CNTN3: variants seen among roughly 807,000 people sequenced by gnomAD.
CNTN3 encodes the protein contactin 3.
CNTN3 carries 60 observed loss-of-function variants against 119.1 expected under a neutral mutation model. That is an observed-to-expected ratio of 0.50 (90% CI 0.41 to 0.62). The LOEUF is 0.62. Ranked by LOEUF, CNTN3 falls within the 20% of genes least tolerant of loss-of-function variation. The pLI is 0.00. For synonymous variants in CNTN3, 450 were observed against 438.7 expected (o/e 1.03, Z -0.32); for missense variants, 1,101 against 1,242.4 (o/e 0.89, Z 1.71).
chr3:74,481,445 A>G (rs570099714), intron 4 of CNTN3, among the ~76,000 whole-genome samples: 2 of 152,040 alleles, frequency 1.3e-5, no homozygotes, highest in East Asian at 3.9e-4. Flanking sequence ...TCAGTATCAA[A>G]AGATGACTAG....
chr3:74,451,246 G>C (rs973292965), intron 4 of CNTN3, among the ~76,000 whole-genome samples: 2 of 152,108 alleles, frequency 1.3e-5, no homozygotes, highest in Non-Finnish European at 2.9e-5. Context: ...GTTTTGATTT[G>C]CATTTCTCTG....
intron 1 of CNTN3, among the ~76,000 whole-genome samples, chr3:74,598,206 C>A (rs1333905832): frequency 6.6e-6 from 1 of 152,012 alleles, no homozygotes; most frequent in Non-Finnish European, 1.5e-5. Flanking sequence ...TTTCCAGCTT[C>A]CACCTTCCCT....
chr3:74,397,616 G>A lies in CNTN3; in HGVS notation c.455-26217C>T, dbSNP rs138371528. ...AATAATCCTACAATGGCCTCTAAGT[G>A]TTCAAGTGAAAGGAAGAATAAATTT... On this transcript the variant is annotated intron_variant, in intron 5 of 22. Transcript: ENST00000263665. Among the ~76,000 whole-genome samples the A allele has an allele frequency of 5.3e-3, 813 of 152,172 alleles. 6 individuals are homozygous for A. The highest frequency in any genetic ancestry group is 5.5e-3 in the Non-Finnish European group (376 of 68,002).
chr3:74,381,501 C>G (rs1290769671), intron 5 of CNTN3, among the ~76,000 whole-genome samples: 1 of 152,112 alleles, frequency 6.6e-6, no homozygotes, highest in Non-Finnish European at 1.5e-5. Context: ...ATGCTGGAGA[C>G]TTCATAGCTG....
rs370934325 is a variant in CNTN3 at position 74,301,381 on chromosome 3, GA to G, written c.2095+16del. The G allele has an allele frequency of 1.8e-4, 289 of 1,569,780 alleles. 1 individual carries two copies. The African/African-American group carries it at 3.0e-3, about 16-fold the overall frequency. ...CAGAAATCTATTAATCCATTACTCA[GA>G]AAAAAAAACACTAACCTGCCTCTTC... On this transcript the variant is annotated intron_variant, in intron 16 of 22. Transcript: ENST00000263665.
chr3:74,446,028 G>A (rs762152112), intron 4 of CNTN3, among the ~76,000 whole-genome samples: 3 of 152,094 alleles, frequency 2.0e-5, no homozygotes, highest in Non-Finnish European at 4.4e-5. Context: ...TTGTCCTCCT[G>A]ATCACTAGTC....
At chr3:74,500,705 A>C (rs978606322) in intron 2 of CNTN3, among the ~76,000 whole-genome samples, 2 of 152,082 alleles carry the variant, frequency 1.3e-5, no homozygotes, top group African/African-American at 2.4e-5. Context: ...GGCTACTTCG[A>C]ATAGCAGTTT....
intron 5 of CNTN3, among the ~76,000 whole-genome samples, chr3:74,405,856 T>A (rs1273788978): frequency 6.6e-6 from 1 of 152,100 alleles, no homozygotes; most frequent in African/African-American, 2.4e-5. Context: ...CTATTTTAGT[T>A]TCAATAGATT....
chr3:74,488,306 G>A (rs573035823), intron 3 of CNTN3, among the ~76,000 whole-genome samples: 34 of 151,868 alleles, frequency 2.2e-4, no homozygotes, highest in Non-Finnish European at 4.6e-4. Flanking sequence ...GTAGAGACAG[G>A]GTTTCACCGT....
At position 74,519,179 on chromosome 3, in the gene CNTN3, CAT is replaced by C. The variant is rs531274542; in HGVS notation, c.55+1877_55+1878del. On this transcript the variant is annotated intron_variant, in intron 2 of 22. Transcript: ENST00000263665. ...ATATTTGCATGTATAATTACACACA[CAT>C]GGAAACATATCTACATATATGTGCA... Among the ~76,000 whole-genome samples the C allele has an allele frequency of 4.8e-3, 735 of 151,788 alleles. 7 individuals carry two copies. Among genetic ancestry groups the C allele is most frequent in the African/African-American group, 0.017 (700 of 41,498 alleles).
chr3:74,396,542 C>T (rs894366543), intron 5 of CNTN3, among the ~76,000 whole-genome samples: 2 of 151,650 alleles, frequency 1.3e-5, no homozygotes, highest in African/African-American at 2.4e-5. Context: ...GTCAGGAGAT[C>T]GAGACCACCC....
At chr3:74,562,332 CCT>C (rs1292286888) in intron 1 of CNTN3, among the ~76,000 whole-genome samples, 1 of 152,106 alleles carries the variant, frequency 6.6e-6, no homozygotes, top group African/African-American at 2.4e-5. Flanking sequence ...AATGTGTTTT[CCT>C]CTCTTTGTAA....
intron 4 of CNTN3, among the ~76,000 whole-genome samples, chr3:74,455,895 G>A (rs550301284): frequency 4.2e-4 from 64 of 152,048 alleles, no homozygotes; most frequent in Non-Finnish European, 7.9e-4. Context: ...AGTCTGAGAT[G>A]GGGCCTGAAA....
intron 4 of CNTN3, among the ~76,000 whole-genome samples, chr3:74,427,187 T>C (rs1701708627): frequency 6.6e-6 from 1 of 152,206 alleles, no homozygotes; most frequent in South Asian, 2.1e-4. Flanking sequence ...TTCATGGACG[T>C]AGCATCAGGA....
chr3:74,579,368 A>C (rs1220083509), intron 1 of CNTN3, among the ~76,000 whole-genome samples: 1 of 151,890 alleles, frequency 6.6e-6, no homozygotes, highest in African/African-American at 2.4e-5. Context: ...CCCCCTCAAA[A>C]AAAAAAAAAG....
chr3:74,314,847 C>T (rs988683676), intron 13 of CNTN3, among the ~76,000 whole-genome samples: 5 of 152,254 alleles, frequency 3.3e-5, no homozygotes, highest in South Asian at 2.1e-4. Flanking sequence ...GTGTCAGAGG[C>T]GTTTGAATCA....
chr3:74,484,896 A>G (rs1333901096), intron 4 of CNTN3, among the ~76,000 whole-genome samples: 1 of 152,116 alleles, frequency 6.6e-6, no homozygotes, highest in African/African-American at 2.4e-5. Context: ...AAAATGAAAA[A>G]GCATGAAACA....
chr3:74,446,799 G>T (rs938434267), intron 4 of CNTN3, among the ~76,000 whole-genome samples: 11 of 151,026 alleles, frequency 7.3e-5, no homozygotes, highest in Non-Finnish European at 7.4e-5. Context: ...ACTTCTGGAA[G>T]CCAAAATACT....
intron 3 of CNTN3, among the ~76,000 whole-genome samples, chr3:74,494,266 ATCCAT>A (rs1230746604): frequency 1.3e-5 from 2 of 152,218 alleles, no homozygotes; most frequent in African/African-American, 4.8e-5. Flanking sequence ...ATACGTGTAC[ATCCAT>A]TCCCCTTGCC....
Sources: gnomAD v4.1 joint callset for allele counts (sites outside exome capture counted in the v4.1 genomes callset) on GRCh38, gnomAD v4.1.1 for gene constraint, MANE v1.5 for transcripts, NCBI Gene and HGNC (gene_info 2026-07-23, HGNC 2026-07-21) for gene names.